The following RASSF8 variants were observed in gnomAD, a reference collection of about 807,000 sequenced individuals.
The protein encoded by RASSF8 is Ras association domain family member 8, also known as ras association domain-containing protein 8.
In RASSF8, 22 loss-of-function variants were observed where a neutral mutation model predicts 48.5. The observed-to-expected ratio is 0.45, with a 90% CI of 0.32 to 0.65. RASSF8 has a LOEUF of 0.65. RASSF8 is among the 30% of genes least tolerant of loss of function. RASSF8 has a pLI of 0.03. For missense variants in RASSF8, 418 were observed against 489.2 expected (o/e 0.85, Z 1.37); for synonymous variants, 127 against 171.5 (o/e 0.74, Z 2.03).
intron 1 of RASSF8, among the ~76,000 whole-genome samples, chr12:25,970,677 G>A (rs1941465366): frequency 6.6e-6 from 1 of 152,142 alleles, no homozygotes; most frequent in Admixed American, 6.6e-5. Flanking sequence ...ACGATACACA[G>A]GACCTCGGAC....
At chr12:25,984,224 CTTTTTTT>C (rs57275940) in intron 1 of RASSF8, among the ~76,000 whole-genome samples, 1 of 86,734 alleles carries the variant, frequency 1.2e-5, no homozygotes, top group Non-Finnish European at 2.2e-5. Flanking sequence ...CTACACGTAG[CTTTTTTT>C]TTTTTTTTTT....
At chr12:26,072,989 A>G (rs1288996179), downstream of RASSF8, 1 of 279,528 alleles carries the variant, frequency 3.6e-6, no homozygotes, top group African/African-American at 2.3e-5. Flanking sequence ...TTTTTCATAT[A>G]TACTTAAAGA....
chr12:26,048,419 A>G (rs1320065829), intron 2 of RASSF8, among the ~76,000 whole-genome samples: 1 of 152,166 alleles, frequency 6.6e-6, no homozygotes, highest in Non-Finnish European at 1.5e-5. Flanking sequence ...GGAGGGGGAA[A>G]AAAAGAAAAG....
intron 2 of RASSF8, among the ~76,000 whole-genome samples, chr12:26,049,641 C>T (rs1478381184): frequency 3.9e-5 from 6 of 152,184 alleles, no homozygotes; most frequent in Non-Finnish European, 7.3e-5. Context: ...ATATAATTGT[C>T]AGTAAGCTAT....
intron 1 of RASSF8, among the ~76,000 whole-genome samples, chr12:25,973,343 G>T (rs902164491): frequency 6.6e-6 from 1 of 152,174 alleles, no homozygotes; most frequent in Non-Finnish European, 1.5e-5. Context: ...AACAGATGTG[G>T]TGCATGCAGT....
intron 1 of RASSF8, among the ~76,000 whole-genome samples, chr12:25,983,821 G>C (rs929911468): frequency 5.3e-5 from 8 of 152,194 alleles, no homozygotes; most frequent in Admixed American, 2.0e-4. Flanking sequence ...CCAGTACAGT[G>C]TAGACACCAT....
intron 2 of RASSF8, among the ~76,000 whole-genome samples, chr12:26,053,499 T>A (rs1052336363): frequency 6.6e-6 from 1 of 152,222 alleles, no homozygotes; most frequent in Non-Finnish European, 1.5e-5. Flanking sequence ...AAATGTTCTC[T>A]AGATTGGGCA....
At position 25,986,922 on chromosome 12, in the gene RASSF8, TTTTTTTTG is replaced by T. The variant is rs946412398; in HGVS notation, c.-202-8111_-202-8104del. 1.7e-4 allele frequency among the ~76,000 whole-genome samples: 5 copies of T among 28,726 alleles called. 1 individual carries two copies. In the South Asian group the frequency reaches 6.6e-3, roughly 38 times the overall value. 18.8% of individuals were successfully genotyped at this position (28,726 alleles called of 152,430 possible). ...TGGGGCAGGATTGAACTACCGTTTTTTTTTTTTGTTTGTTTGTTTGTTTGTTTGTTTTG... is the reference window on the plus strand; with the variant it reads ...TGGGGCAGGATTGAACTACCGTTTTTTTTGTTTGTTTGTTTGTTTGTTTTG... On this transcript the variant is annotated intron_variant, in intron 1 of 5. Transcript: ENST00000689635.
chr12:26,042,051 G>A (rs1261514022), intron 2 of RASSF8, among the ~76,000 whole-genome samples: 1 of 152,098 alleles, frequency 6.6e-6, no homozygotes, highest in Non-Finnish European at 1.5e-5. Flanking sequence ...ATGAAACGAG[G>A]TATATATTTG....
At chr12:26,061,426 G>C (rs1943739978) in intron 3 of RASSF8, among the ~76,000 whole-genome samples, 1 of 151,988 alleles carries the variant, frequency 6.6e-6, no homozygotes. Flanking sequence ...TGATTCTTGG[G>C]ATTAGTCTCA....
Position 26,001,038 on chromosome 12 carries a change from G to A in RASSF8, c.-109+5908G>A, listed in dbSNP as rs114488744. Among the ~76,000 whole-genome samples, 672 of 131,018 alleles carry A rather than the reference G, an allele frequency of 5.1e-3. 10 individuals carry two copies. Among genetic ancestry groups the A allele is most frequent in the African/African-American group, 0.018 (637 of 35,134 alleles). The allele number at this position is 131,018 out of a possible 152,430, so 86.0% of individuals were successfully genotyped here. A position where few individuals can be genotyped will look rare whatever the true frequency, so the allele number is the denominator to read the frequency against. On this transcript the variant is annotated intron_variant, in intron 2 of 5. Transcript: ENST00000689635. ...GGGTCTCTGTCACCCAGGCTGGAGT[G>A]CAGTGGCATTGTCACAGCTCACTGA...
Position 26,069,000 on chromosome 12 carries a change from G to A in RASSF8, c.*182G>A, listed in dbSNP as rs1943943988. 3.0e-6 allele frequency: 4 copies of A among 1,327,240 alleles called. No homozygotes were observed. In the South Asian group the frequency reaches 5.4e-5, roughly 18 times the overall value. 82.2% of individuals were successfully genotyped at this position (1,327,240 alleles called of 1,614,324 possible). A position where few individuals can be genotyped will look rare whatever the true frequency, so the allele number is the denominator to read the frequency against. On this transcript the variant is annotated 3_prime_UTR_variant, in exon 6 of 6. Coordinates refer to ENST00000689635, the MANE Select transcript of RASSF8 (RefSeq NM_001394098.1). ...ACTGATGCTAAAGAACAAAGAAACTGTGTTTTCACACATCAACAGTGTTGA... is the reference window on the plus strand; with the variant it reads ...ACTGATGCTAAAGAACAAAGAAACTATGTTTTCACACATCAACAGTGTTGA...
rs1943972880 is a variant in RASSF8, at chr12:26,070,326, G to C, written c.*1508G>C. 4 of 985,322 alleles carry C rather than the reference G, an allele frequency of 4.1e-6. No individual in the cohort carries two copies. Among genetic ancestry groups the C allele is most frequent in the Non-Finnish European group, 3.6e-6 (3 of 829,874 alleles). The allele number at this position is 985,322 out of a possible 1,614,324, so 61.0% of individuals were successfully genotyped here. ...TGGTTTAGTGAATGCTGACAATGCT[G>C]CTCTACTTAGGTTTCCTATGAAATT... is the stretch of plus-strand genomic sequence containing the variant. On this transcript the variant is annotated 3_prime_UTR_variant, in exon 6 of 6. Coordinates refer to ENST00000689635, the MANE Select transcript of RASSF8 (RefSeq NM_001394098.1).
intron 2 of RASSF8, among the ~76,000 whole-genome samples, chr12:26,039,376 G>A (rs1018271391): frequency 6.6e-6 from 1 of 151,912 alleles, no homozygotes; most frequent in Non-Finnish European, 1.5e-5. Flanking sequence ...TTGAGGCTGG[G>A]TGTTAGAGGG....
intron 2 of RASSF8, among the ~76,000 whole-genome samples, chr12:26,036,779 C>A (rs771850465): frequency 6.6e-6 from 1 of 151,928 alleles, no homozygotes; most frequent in Non-Finnish European, 1.5e-5. Flanking sequence ...AAAAAATTAG[C>A]CAGGCTTGGT....
At chr12:25,984,216 A>T (rs1592232050) in intron 1 of RASSF8, among the ~76,000 whole-genome samples, 2 of 144,056 alleles carry the variant, frequency 1.4e-5, no homozygotes, top group African/African-American at 2.6e-5. Flanking sequence ...GTGCACTGCT[A>T]CACGTAGCTT....
intron 1 of RASSF8, among the ~76,000 whole-genome samples, chr12:25,986,562 G>A (rs1391254217): frequency 6.6e-6 from 1 of 152,168 alleles, no homozygotes; most frequent in Non-Finnish European, 1.5e-5. Flanking sequence ...CCTATGATGT[G>A]CAGGCTGCTC....
chr12:26,008,743 A>G (rs576962449), intron 2 of RASSF8, among the ~76,000 whole-genome samples: 16 of 152,344 alleles, frequency 1.1e-4, no homozygotes, highest in Admixed American at 9.2e-4. Flanking sequence ...CTGTTTAGGC[A>G]TATTGCAAGC....
At chr12:26,077,284 T>C (rs1417650648), downstream of RASSF8, among the ~76,000 whole-genome samples, 3 of 152,238 alleles carry the variant, frequency 2.0e-5, no homozygotes, top group Non-Finnish European at 4.4e-5. Flanking sequence ...CATTTGTCTA[T>C]TTTGGCTTTT....
Sources: allele counts gnomAD v4.1 joint callset (sites outside exome capture counted in the v4.1 genomes callset), GRCh38; gene constraint gnomAD v4.1.1; transcripts MANE v1.5; gene names NCBI Gene and HGNC (gene_info 2026-07-23, HGNC 2026-07-21).